The following PTPRO variants were observed in gnomAD, a reference collection of about 807,000 sequenced individuals.
PTPRO encodes protein tyrosine phosphatase receptor type O.
A neutral mutation model predicts 145.2 loss-of-function variants in PTPRO; 62 were observed. That is an observed-to-expected ratio of 0.43 (90% CI 0.35 to 0.53). The LOEUF (loss-of-function observed/expected upper bound fraction) is 0.53. PTPRO is among the 20% of genes least tolerant of loss of function. The probability of loss-of-function intolerance (pLI) is 0.01; values close to 1 mark genes in which losing one functional copy is unlikely to be tolerated. For missense variants in PTPRO, 1,345 were observed against 1,482.7 expected, an observed-to-expected ratio of 0.91 and a Z score of 1.53; for synonymous variants, 565 against 514.7, an observed-to-expected ratio of 1.10 and a Z score of -1.32.
intron 1 of PTPRO, chr12:15,348,290 G>C (rs1937659273): frequency 1.3e-5 from 2 of 152,236 alleles, no homozygotes; most frequent in African/African-American, 2.4e-5. Flanking sequence ...GGAAGATGCA[G>C]GAGAAAGGGC....
At chr12:15,360,147 C>T (rs1938129971) in intron 1 of PTPRO, among the ~76,000 whole-genome samples, 1 of 152,178 alleles carries the variant, frequency 6.6e-6, no homozygotes, top group Non-Finnish European at 1.5e-5. Context: ...TTTTACCCTT[C>T]TTAAAATGTA....
Position 15,586,935 on chromosome 12 carries a change from T to C in PTPRO, c.3294T>C (p.Thr1098=). ...AGGATGTGATGCATTTTAACTACAC[T>C]GCATGGCCTGATCATGGTGTGCCCA... ...EMQDVMHFNY[T]AWPDHGVPTA... The change falls in exon 24 of 27, where the codon ACT becomes ACC. Residue 1098 remains threonine, a synonymous_variant. Transcript: ENST00000281171. The C allele has an allele frequency of 5.0e-6, 8 of 1,614,138 alleles. No homozygotes were observed. The highest frequency in any genetic ancestry group is 1.1e-5 in the South Asian group (1 of 91,082).
chr12:15,593,450 C>G (rs768035202), intron 25 of PTPRO, among the ~76,000 whole-genome samples: 23 of 152,140 alleles, frequency 1.5e-4, no homozygotes, highest in Non-Finnish European at 2.6e-4. Context: ...TTGGTGATTT[C>G]ATTTTGGCTT....
chr12:15,505,044 C>T (rs1306752298), intron 6 of PTPRO, among the ~76,000 whole-genome samples: 2 of 152,098 alleles, frequency 1.3e-5, no homozygotes, highest in Non-Finnish European at 2.9e-5. Flanking sequence ...TGTGAGAGAC[C>T]TTGGACATGT....
chr12:15,525,116 G>A lies in PTPRO; in HGVS notation c.2043+151G>A, dbSNP rs149335285. 1.5e-3 allele frequency: 1,342 copies of A among 912,302 alleles called. 17 individuals are homozygous for A. The African/African-American group carries it at 0.02, about 14-fold the overall frequency. The allele number at this position is 912,302 out of a possible 1,614,324, so 56.5% of individuals were successfully genotyped here. ...GGAGATAAGACAGTGAACAAAAATT[G>A]AATTCTTCCTTTCATAGAGCTTACC... On this transcript the variant is annotated intron_variant, in intron 11 of 26. Coordinates refer to ENST00000281171, the MANE Select transcript of PTPRO (RefSeq NM_030667.3).
intron 16 of PTPRO, among the ~76,000 whole-genome samples, chr12:15,559,089 C>T (rs1591734842): frequency 6.6e-6 from 1 of 152,048 alleles, no homozygotes; most frequent in East Asian, 1.9e-4. Flanking sequence ...GATGAGTGGC[C>T]CATCTAGGAA....
At chr12:15,561,578 A>G (rs1030245410) in intron 17 of PTPRO, among the ~76,000 whole-genome samples, 7 of 152,130 alleles carry the variant, frequency 4.6e-5, no homozygotes, top group African/African-American at 1.7e-4. Context: ...TCATTGTTAC[A>G]GTTTTTAGTA....
chr12:15,432,424 T>A (rs918379625), intron 1 of PTPRO, among the ~76,000 whole-genome samples: 5 of 152,222 alleles, frequency 3.3e-5, no homozygotes, highest in African/African-American at 1.2e-4. Context: ...TTAGGTTGAT[T>A]GTATGTCTTT....
At chr12:15,409,416 A>T (rs1271315548) in intron 1 of PTPRO, among the ~76,000 whole-genome samples, 1 of 152,178 alleles carries the variant, frequency 6.6e-6, no homozygotes, top group African/African-American at 2.4e-5. Context: ...TTGTCAATGC[A>T]ACATCAATTC....
chr12:15,394,484 T>C (rs1404747677), intron 1 of PTPRO, among the ~76,000 whole-genome samples: 3 of 152,132 alleles, frequency 2.0e-5, no homozygotes, highest in African/African-American at 7.2e-5. Context: ...ATTTGTATAA[T>C]CATTTAGTTA....
chr12:15,479,033 C>T (rs780689011), intron 1 of PTPRO, among the ~76,000 whole-genome samples: 8 of 152,168 alleles, frequency 5.3e-5, no homozygotes, highest in Non-Finnish European at 5.9e-5. Context: ...TCACCTTCAC[C>T]GCACTGAATG....
intron 10 of PTPRO, among the ~76,000 whole-genome samples, chr12:15,523,278 T>A (rs1003340569): frequency 1.3e-5 from 2 of 152,234 alleles, no homozygotes; most frequent in African/African-American, 4.8e-5. Flanking sequence ...TTAGTTGACA[T>A]TGTGCTGTAT....
intron 1 of PTPRO, among the ~76,000 whole-genome samples, chr12:15,468,135 T>G (rs1334738077): frequency 6.6e-6 from 1 of 152,202 alleles, no homozygotes; most frequent in Non-Finnish European, 1.5e-5. Flanking sequence ...TGGTTTTTGT[T>G]TGCTTGCCTA....
intron 1 of PTPRO, among the ~76,000 whole-genome samples, chr12:15,471,459 A>G (rs1238902250): frequency 6.6e-6 from 1 of 152,204 alleles, no homozygotes; most frequent in Non-Finnish European, 1.5e-5. Context: ...GGATACATTT[A>G]GGATACATAT....
intron 1 of PTPRO, among the ~76,000 whole-genome samples, chr12:15,442,235 TA>T (rs1244903913): frequency 6.6e-6 from 1 of 151,946 alleles, no homozygotes; most frequent in African/African-American, 2.4e-5. Flanking sequence ...CATAAAGAAT[TA>T]AAAACAAAAA....
intron 17 of PTPRO, among the ~76,000 whole-genome samples, chr12:15,563,292 A>G (rs1055166505): frequency 6.6e-6 from 1 of 150,660 alleles, no homozygotes; most frequent in African/African-American, 2.4e-5. Flanking sequence ...TACATGTCAC[A>G]CAAAATCGTC....
chr12:15,402,673 AGGG>A, intron 1 of PTPRO, among the ~76,000 whole-genome samples: 1 of 152,116 alleles, frequency 6.6e-6, no homozygotes, highest in Non-Finnish European at 1.5e-5. Flanking sequence ...CTACATAATC[AGGG>A]TGACAAATGA....
At chr12:15,432,002 C>T (rs1210523808) in intron 1 of PTPRO, among the ~76,000 whole-genome samples, 1 of 151,856 alleles carries the variant, frequency 6.6e-6, no homozygotes, top group East Asian at 1.9e-4. Context: ...TTTGTTTTTG[C>T]TTTTTTAGCA....
chr12:15,386,434 TG>T (rs1387570265), intron 1 of PTPRO, among the ~76,000 whole-genome samples: 1 of 152,106 alleles, frequency 6.6e-6, no homozygotes, highest in Admixed American at 6.5e-5. Context: ...AAAAAGATTA[TG>T]AAATAAATAT....
Sources: allele counts gnomAD v4.1 joint callset (sites outside exome capture counted in the v4.1 genomes callset), GRCh38; gene constraint gnomAD v4.1.1; transcripts MANE v1.5; gene names NCBI Gene and HGNC (gene_info 2026-07-23, HGNC 2026-07-21).